Variants in GNAQ observed in about 807,000 individuals in gnomAD.
GNAQ encodes G protein subunit alpha q.
A neutral mutation model predicts 43.9 loss-of-function variants in GNAQ; 8 were observed. The ratio of observed to expected loss-of-function variants is 0.18; its 90% CI spans 0.11 to 0.33. The LOEUF is 0.33. Among genes scored for constraint, GNAQ ranks in the 10% least tolerant of loss-of-function variants. The pLI is 1.00. For missense variants in GNAQ, 158 were observed against 450.8 expected (o/e 0.35, Z 5.88); for synonymous variants, 155 against 170.7 (o/e 0.91, Z 0.71).
chr9:77,732,144 G>A (rs1301804037), intron 5 of GNAQ, among the ~76,000 whole-genome samples: 1 of 152,140 alleles, frequency 6.6e-6, no homozygotes, highest in Non-Finnish European at 1.5e-5. Context: ...GCACGTCCCA[G>A]GAGACTTTGT....
intron 2 of GNAQ, among the ~76,000 whole-genome samples, chr9:77,868,936 G>A (rs1827992216): frequency 1.3e-5 from 2 of 152,184 alleles, no homozygotes; most frequent in South Asian, 2.1e-4. Flanking sequence ...GCAGTGAGCC[G>A]AGATCATGCC....
In GNAQ at chr9:77,994,095, C is replaced by T. The variant is rs150002520; in HGVS notation, c.136+37005G>A. Among the ~76,000 whole-genome samples the T allele has an allele frequency of 7.0e-3, 1,062 of 152,296 alleles. 19 individuals are homozygous for T. Among genetic ancestry groups the T allele is most frequent in the African/African-American group, 0.024 (986 of 41,556 alleles). Reference sequence around the variant, plus strand: ...GTAGTGGCACGATCATAGCTCACTGCAGCTTTGATCTCCTGGGCTCAAGTG... The same window carrying T: ...GTAGTGGCACGATCATAGCTCACTGTAGCTTTGATCTCCTGGGCTCAAGTG... On this transcript the variant is annotated intron_variant, in intron 1 of 6. Coordinates refer to ENST00000286548, the MANE Select transcript of GNAQ (RefSeq NM_002072.5).
At chr9:77,770,750 T>C (rs1034614611) in intron 5 of GNAQ, among the ~76,000 whole-genome samples, 2 of 152,186 alleles carry the variant, frequency 1.3e-5, no homozygotes, top group Admixed American at 1.3e-4. Context: ...CATGGACCTC[T>C]GGTCACTTTA....
intron 2 of GNAQ, among the ~76,000 whole-genome samples, chr9:77,898,456 G>A (rs1167573136): frequency 6.6e-6 from 1 of 152,192 alleles, no homozygotes; most frequent in Non-Finnish European, 1.5e-5. Context: ...TTACTGCACT[G>A]TATTATAAAT....
chr9:78,008,988 T>C (rs1564177154), intron 1 of GNAQ, among the ~76,000 whole-genome samples: 2 of 152,226 alleles, frequency 1.3e-5, no homozygotes, highest in Admixed American at 1.3e-4. Context: ...AATGTGGGCA[T>C]ACTGTCAAAT....
At chr9:77,806,531 C>T (rs972596534) in intron 3 of GNAQ, among the ~76,000 whole-genome samples, 1 of 152,104 alleles carries the variant, frequency 6.6e-6, no homozygotes, top group African/African-American at 2.4e-5. Context: ...CAATTAAGTG[C>T]CAGATTGTGA....
At chr9:77,760,771 T>C (rs1397035681) in intron 5 of GNAQ, among the ~76,000 whole-genome samples, 1 of 150,812 alleles carries the variant, frequency 6.6e-6, no homozygotes, top group Non-Finnish European at 1.5e-5. Flanking sequence ...GGAGCGCCTC[T>C]TCCCGGCCGC....
At chr9:78,030,409 G>C (rs969258186) in intron 1 of GNAQ, 7 of 416,786 alleles carry the variant, frequency 1.7e-5, no homozygotes, top group Non-Finnish European at 3.1e-5. Context: ...TCGATGGTCT[G>C]GTGGCTAGAG....
rs2118179773 is a variant in GNAQ at position 77,718,247 on chromosome 9, T to A, written c.*3076A>T. On this transcript the variant is annotated 3_prime_UTR_variant, in exon 7 of 7. Transcript: ENST00000286548. The stretch of plus-strand genomic sequence containing the variant: ...ATAGGAGGCCAGTGGCACACGCTTA[T>A]AACGCTTGCAATCACAATATAATAT... 1 of 232,828 alleles carries A rather than the reference T, an allele frequency of 4.3e-6. No individual in the cohort carries two copies. The highest frequency in any genetic ancestry group is 1.3e-3 in the Middle Eastern group (1 of 782). The allele number at this position is 232,828 out of a possible 1,614,324, so 14.4% of individuals were successfully genotyped here.
chr9:77,811,717 T>C (rs773659171), intron 3 of GNAQ, among the ~76,000 whole-genome samples: 14 of 152,048 alleles, frequency 9.2e-5, no homozygotes, highest in Non-Finnish European at 2.1e-4. Flanking sequence ...ACTAAGACGG[T>C]GAAGAATAAA....
chr9:78,027,004 T>C (rs1587467940), intron 1 of GNAQ, among the ~76,000 whole-genome samples: 1 of 152,142 alleles, frequency 6.6e-6, no homozygotes, highest in Non-Finnish European at 1.5e-5. Flanking sequence ...GGTAAAAAGA[T>C]GAGAGGGTTA....
At chr9:77,903,422 G>A (rs1314841650) in intron 2 of GNAQ, among the ~76,000 whole-genome samples, 1 of 152,172 alleles carries the variant, frequency 6.6e-6, no homozygotes, top group East Asian at 1.9e-4. Context: ...GCAAGGGAGA[G>A]GATAGAAGCA....
intron 1 of GNAQ, among the ~76,000 whole-genome samples, chr9:77,965,049 CA>C (rs1163570628): frequency 6.6e-6 from 1 of 152,140 alleles, no homozygotes. Flanking sequence ...ACCCAGATCA[CA>C]GCCTCCATTA....
intron 1 of GNAQ, among the ~76,000 whole-genome samples, chr9:78,022,165 G>A (rs1823919224): frequency 1.3e-5 from 2 of 152,178 alleles, no homozygotes; most frequent in African/African-American, 4.8e-5. Flanking sequence ...ACCCGAAGGA[G>A]CCCACCAGAC....
At chr9:77,878,054 T>C (rs770790279) in intron 2 of GNAQ, among the ~76,000 whole-genome samples, 19 of 152,182 alleles carry the variant, frequency 1.2e-4, no homozygotes, top group African/African-American at 4.6e-4. Flanking sequence ...TAGAACAGGA[T>C]AGGTCTCATT....
chr9:77,992,065 C>T (rs887899257), intron 1 of GNAQ, among the ~76,000 whole-genome samples: 4 of 152,202 alleles, frequency 2.6e-5, no homozygotes, highest in Non-Finnish European at 4.4e-5. Flanking sequence ...GTGACTTCTC[C>T]TCCTCTGGGT....
intron 1 of GNAQ, among the ~76,000 whole-genome samples, chr9:77,931,032 G>C (rs777297024): frequency 2.6e-5 from 4 of 151,764 alleles, no homozygotes; most frequent in Non-Finnish European, 5.9e-5. Context: ...ATTTGAGGTG[G>C]AACAGTCTTA....
At chr9:77,847,710 A>C (rs996342221) in intron 2 of GNAQ, among the ~76,000 whole-genome samples, 13 of 152,210 alleles carry the variant, frequency 8.5e-5, no homozygotes, top group African/African-American at 3.1e-4. Context: ...TCCACTGTCA[A>C]GGCAAACGTC....
intron 1 of GNAQ, among the ~76,000 whole-genome samples, chr9:77,941,907 TACACACACACACACAC>T (rs10560776): frequency 1.4e-4 from 20 of 141,102 alleles, no homozygotes; most frequent in East Asian, 8.5e-4. Context: ...ACAACATACA[TACACACACACACACAC>T]ACACACACAC....
Sources: gnomAD v4.1 joint callset for allele counts (sites outside exome capture counted in the v4.1 genomes callset) on GRCh38, gnomAD v4.1.1 for gene constraint, MANE v1.5 for transcripts, NCBI Gene and HGNC (gene_info 2026-07-23, HGNC 2026-07-21) for gene names.